Variants in FANCL observed in about 807,000 individuals in gnomAD.
The protein encoded by FANCL is E3 ubiquitin-protein ligase FANCL.
Under a neutral mutation model 59.4 loss-of-function variants are expected in FANCL, and 69 were observed. The observed-to-expected ratio is 1.16, with a 90% CI of 0.96 to 1.42. The LOEUF (loss-of-function observed/expected upper bound fraction) is 1.42. Ranked by LOEUF, FANCL falls within the 40% of genes most tolerant of loss-of-function variation. FANCL has a pLI of 0.00. For synonymous variants in FANCL, 180 were observed against 147.1 expected (o/e 1.22, Z -1.62); for missense variants, 519 against 447.2 (o/e 1.16, Z -1.45).
intron 7 of FANCL, among the ~76,000 whole-genome samples, chr2:58,180,428 A>C (rs1687816363): frequency 6.6e-6 from 1 of 152,200 alleles, no homozygotes; most frequent in East Asian, 1.9e-4. Flanking sequence ...AGGGACACGG[A>C]TGAAGCTAGA....
At chr2:58,235,581 G>C (rs896118570) in intron 1 of FANCL, among the ~76,000 whole-genome samples, 1 of 151,970 alleles carries the variant, frequency 6.6e-6, no homozygotes, top group African/African-American at 2.4e-5. Context: ...AAAATATCTA[G>C]CATGCAACAG....
chr2:58,187,001 G>C (rs1043177582), intron 7 of FANCL, among the ~76,000 whole-genome samples: 6 of 152,166 alleles, frequency 3.9e-5, no homozygotes, highest in Non-Finnish European at 7.3e-5. Context: ...GTGGAAGACA[G>C]TGTGGCGATT....
chr2:58,161,376 T>G, intron 12 of FANCL, 146 bp downstream of exon 12: 1 of 678,284 alleles, frequency 1.5e-6, no homozygotes, highest in Non-Finnish European at 2.7e-6. Flanking sequence ...CACATAAGCA[T>G]CTGGAATAAA....
At chr2:58,241,086 A>C (rs1694494948) in intron 1 of FANCL, 132 bp downstream of exon 1, 1 of 915,226 alleles carries the variant, frequency 1.1e-6, no homozygotes, top group African/African-American at 1.6e-5. Flanking sequence ...TAGTCTCCCA[A>C]GAGCCGTTAC....
At chr2:58,199,308 T>C (rs1019068787) in intron 6 of FANCL, among the ~76,000 whole-genome samples, 3 of 152,050 alleles carry the variant, frequency 2.0e-5, no homozygotes, top group African/African-American at 7.2e-5. Flanking sequence ...AAATAAGAGA[T>C]CAAATGAGTT....
chr2:58,161,754 A>T, intron 11 of FANCL, 116 bp from the exon 12 acceptor site: 1 of 698,918 alleles, frequency 1.4e-6, no homozygotes, highest in Non-Finnish European at 2.6e-6. Context: ...TAATGATGAC[A>T]TCAGGATAAT....
chr2:58,218,668 C>G (rs940272141), intron 5 of FANCL, among the ~76,000 whole-genome samples: 1 of 151,012 alleles, frequency 6.6e-6, no homozygotes, highest in Admixed American at 6.6e-5. Context: ...ATAAAGTTGT[C>G]ACCCATGGAG....
chr2:58,163,081 A>T lies in FANCL; in HGVS notation c.776-7T>A. The T allele has an allele frequency of 6.2e-7, 1 of 1,606,474 alleles. No individual in the cohort carries two copies. Among genetic ancestry groups the T allele is most frequent in the South Asian group, 1.1e-5 (1 of 90,560 alleles). ...ATTCCCAGGGGTTTTACCACTTCAG[A>T]TTAAAAAAAAAAAATTTAATAATTG... On this transcript the variant is annotated splice_polypyrimidine_tract_variant and splice_region_variant and intron_variant, in intron 9 of 13. Coordinates refer to ENST00000233741, the MANE Select transcript of FANCL (RefSeq NM_018062.4).
chr2:58,171,397 A>G (rs750246188), intron 7 of FANCL, among the ~76,000 whole-genome samples: 15 of 152,246 alleles, frequency 9.9e-5, no homozygotes, highest in Non-Finnish European at 1.5e-4. Context: ...AGGGAAATTT[A>G]TAACGAAATG....
intron 3 of FANCL, 62 bp from the exon 4 acceptor site, chr2:58,226,846 G>A (rs1693055957): frequency 3.7e-6 from 5 of 1,362,206 alleles, no homozygotes; most frequent in South Asian, 1.2e-5. Flanking sequence ...CACTAAAACT[G>A]TAAAAAAATG....
intron 2 of FANCL, among the ~76,000 whole-genome samples, chr2:58,231,844 G>A (rs1188989942): frequency 1.3e-5 from 2 of 152,110 alleles, no homozygotes; most frequent in East Asian, 3.8e-4. Flanking sequence ...TTTTAAAAAT[G>A]AGAGAACTAA....
intron 9 of FANCL, 176 bp downstream of exon 9, chr2:58,163,258 T>C (rs1685472813): frequency 1.4e-6 from 1 of 738,224 alleles, no homozygotes; most frequent in Non-Finnish European, 2.3e-6. Context: ...ACTATCATTA[T>C]TGCGGTGAAC....
chr2:58,172,729 C>A (rs991612856), intron 7 of FANCL, among the ~76,000 whole-genome samples: 1 of 152,184 alleles, frequency 6.6e-6, no homozygotes, highest in Non-Finnish European at 1.5e-5. Flanking sequence ...AAGCAGAGCG[C>A]CTCTCCTCCT....
intron 7 of FANCL, among the ~76,000 whole-genome samples, chr2:58,179,496 ATTT>A (rs1687705032): frequency 6.6e-6 from 1 of 152,212 alleles, no homozygotes; most frequent in Admixed American, 6.5e-5. Context: ...AGGATTCCCT[ATTT>A]ATTAAACGGT....
chr2:58,166,139 A>G (rs556423102), intron 7 of FANCL, among the ~76,000 whole-genome samples: 3 of 116,702 alleles, frequency 2.6e-5, no homozygotes, highest in South Asian at 5.9e-4. Flanking sequence ...TGCTTGATAT[A>G]CTACACGTAT....
intron 1 of FANCL, among the ~76,000 whole-genome samples, chr2:58,234,899 A>C (rs1299245207): frequency 6.6e-6 from 1 of 152,082 alleles, no homozygotes; most frequent in African/African-American, 2.4e-5. Flanking sequence ...CTCCTTATTT[A>C]AAAATTGGAC....
In FANCL at chr2:58,176,217, T is replaced by A. The variant is rs556122841; in HGVS notation, c.541-10343A>T. ...TGGCCACACTGCCCAACGTACTTTA[T>A]AGATTCAATGCCATCCCCATCAAGC... On this transcript the variant is annotated intron_variant, in intron 7 of 13. Transcript: ENST00000233741. Among the ~76,000 whole-genome samples, 4 of 152,286 alleles carry A rather than the reference T, an allele frequency of 2.6e-5. No individual in the cohort carries two copies. In the East Asian group the frequency reaches 7.7e-4, roughly 29 times the overall value.
chr2:58,175,619 T>C (rs918031040), intron 7 of FANCL, among the ~76,000 whole-genome samples: 2 of 152,146 alleles, frequency 1.3e-5, no homozygotes, highest in African/African-American at 2.4e-5. Flanking sequence ...AAATTAGGTA[T>C]TGATGGGACG....
chr2:58,159,661 A>G lies in FANCL; in HGVS notation c.*104T>C. On this transcript the variant is annotated 3_prime_UTR_variant, in exon 14 of 14. Transcript: ENST00000233741. ...TCGCATCATCATACCTGTCCTTTTG[A>G]TGTTAGTATTTCTTGCTTTATTTTT... is the stretch of plus-strand genomic sequence containing the variant. 1 of 1,613,222 alleles carries G rather than the reference A, an allele frequency of 6.2e-7. No homozygotes were observed. The highest frequency in any genetic ancestry group is 8.5e-7 in the Non-Finnish European group (1 of 1,179,598).
Sources: gnomAD v4.1 joint callset for allele counts (sites outside exome capture counted in the v4.1 genomes callset) on GRCh38, gnomAD v4.1.1 for gene constraint, MANE v1.5 for transcripts, NCBI Gene and HGNC (gene_info 2026-07-23, HGNC 2026-07-21) for gene names.